Variants in HIP1 observed in about 807,000 individuals in gnomAD.
HIP1 encodes the protein huntingtin-interacting protein 1.
HIP1 carries 65 observed loss-of-function variants against 147.6 expected under a neutral mutation model. The ratio of observed to expected loss-of-function variants is 0.44; its 90% CI spans 0.36 to 0.54. The LOEUF (loss-of-function observed/expected upper bound fraction) is 0.54. Among genes scored for constraint, HIP1 ranks in the 20% least tolerant of loss-of-function variants. The pLI is 0.00. For synonymous variants in HIP1, 479 were observed against 504.0 expected (o/e 0.95, Z 0.67); for missense variants, 1,061 against 1,299.6 (o/e 0.82, Z 2.82).
At chr7:75,591,470 T>G (rs587648733) in intron 4 of HIP1, among the ~76,000 whole-genome samples, 145 of 152,116 alleles carry the variant, frequency 9.5e-4, no homozygotes, top group Admixed American at 2.6e-3. Context: ...TCCCCCCTCA[T>G]CCTAAAGCAC....
intron 1 of HIP1, among the ~76,000 whole-genome samples, chr7:75,711,130 A>G (rs1327270540): frequency 6.6e-6 from 1 of 152,192 alleles, no homozygotes; most frequent in Non-Finnish European, 1.5e-5. Context: ...ATAATGTGTA[A>G]TATAGCACAT....
intron 1 of HIP1, among the ~76,000 whole-genome samples, chr7:75,712,777 CTCAT>C (rs1401186117): frequency 1.3e-5 from 2 of 151,860 alleles, no homozygotes; most frequent in East Asian, 1.9e-4. Context: ...CTCTCATTTA[CTCAT>C]TCATTCACTC....
intron 1 of HIP1, among the ~76,000 whole-genome samples, chr7:75,694,348 G>C (rs569053181): frequency 1.3e-3 from 196 of 152,006 alleles, no homozygotes; most frequent in Non-Finnish European, 2.0e-3. Flanking sequence ...TATTATGCTG[G>C]GCATGCGTGG....
At chr7:75,673,117 G>T (rs1040362647) in intron 1 of HIP1, among the ~76,000 whole-genome samples, 1 of 151,642 alleles carries the variant, frequency 6.6e-6, no homozygotes, top group African/African-American at 2.4e-5. Flanking sequence ...TGTCTCCTGG[G>T]TTCAAGCGAT....
intron 1 of HIP1, chr7:75,638,910 G>A (rs1798538246): frequency 9.1e-6 from 2 of 220,870 alleles, no homozygotes; most frequent in African/African-American, 2.3e-5. Context: ...CCTCCGGCAC[G>A]CCTGGAGTTG....
In HIP1 at chr7:75,738,870, C is replaced by T; in HGVS notation, c.51G>A (p.Lys17=). Residue 17 remains lysine, a synonymous_variant, in exon 1 of 31, where the codon AAG becomes AAA. Coordinates refer to ENST00000336926, the MANE Select transcript of HIP1 (RefSeq NM_005338.7). ...CGCCGACCCCGCGCCGGCTCAGCAC[C>T]TTGGGCAGTGGGTTGGGCACCTGCT... ...SMKQVPNPLP[K]VLSRRGVGAG... 1 of 1,577,618 alleles carries T rather than the reference C, an allele frequency of 6.3e-7. No individual in the cohort carries two copies.
chr7:75,559,777 G>A lies in HIP1; in HGVS notation c.1330C>T (p.Arg444Trp), dbSNP rs200972887. ...RAELDELRRQ[R>W]EDTEKAQRSL... ...CGCTGAGCCTTCTCGGTGTCCTCCC[G>A]CTGCCTCCTGAGCTCGTCCAGTTCT... is the stretch of plus-strand genomic sequence containing the variant. Residue 444 changes from arginine (R) to tryptophan (W), a missense_variant, in exon 14 of 31, where the codon CGG (arginine) becomes TGG (tryptophan). This residue lies in a region of HIP1 where 810 missense variants were observed against 946.8 expected (regional missense o/e 0.86). Coordinates refer to ENST00000336926, the MANE Select transcript of HIP1 (RefSeq NM_005338.7). 9 of 1,419,622 alleles carry A rather than the reference G, an allele frequency of 6.3e-6. No individual in the cohort carries two copies. The highest frequency in any genetic ancestry group is 3.3e-5 in the East Asian group (1 of 30,056). 87.9% of individuals were successfully genotyped at this position (1,419,622 alleles called of 1,614,324 possible).
At chr7:75,561,447 CCT>C (rs142494022) in intron 12 of HIP1, 46 bp from the exon 13 acceptor site, 33,335 of 1,266,708 alleles carry the variant, frequency 0.026, 642 homozygotes, top group Non-Finnish European at 0.031. Context: ...TGCTTCTATC[CCT>C]CTGTTTTTAA....
chr7:75,610,045 G>A (rs1797373491), intron 1 of HIP1, among the ~76,000 whole-genome samples: 1 of 151,536 alleles, frequency 6.6e-6, no homozygotes, highest in African/African-American at 2.4e-5. Flanking sequence ...TGGGATTATA[G>A]GCCCACACCA....
At chr7:75,567,269 TCTGGCTA>T (rs1795444025) in intron 9 of HIP1, among the ~76,000 whole-genome samples, 1 of 150,248 alleles carries the variant, frequency 6.7e-6, no homozygotes, top group Non-Finnish European at 1.5e-5. Flanking sequence ...AGAAGTAAGG[TCTGGCTA>T]GAGATGCATA....
chr7:75,625,931 G>T (rs2117108109), intron 1 of HIP1: 1 of 152,164 alleles, frequency 6.6e-6, no homozygotes, highest in Non-Finnish European at 1.5e-5. Context: ...TTGGAGAGCT[G>T]CTTGCCCTTT....
chr7:75,569,357 A>C (rs1795526056), intron 8 of HIP1, among the ~76,000 whole-genome samples: 1 of 152,050 alleles, frequency 6.6e-6, no homozygotes, highest in South Asian at 2.1e-4. Context: ...TAATCCCAGC[A>C]CTTTGGGAGG....
At chr7:75,589,743 T>G (rs1554500339) in intron 4 of HIP1, among the ~76,000 whole-genome samples, 1 of 150,990 alleles carries the variant, frequency 6.6e-6, no homozygotes, top group Non-Finnish European at 1.5e-5. Context: ...TTTTTTGTTT[T>G]TTTTTGAGAC....
intron 1 of HIP1, among the ~76,000 whole-genome samples, chr7:75,610,094 G>A (rs1417243072): frequency 5.3e-5 from 8 of 151,618 alleles, no homozygotes; most frequent in African/African-American, 1.5e-4. Flanking sequence ...GTAGAGACAG[G>A]GTTTCGCCAT....
intron 1 of HIP1, among the ~76,000 whole-genome samples, chr7:75,732,328 C>T (rs1251696875): frequency 5.3e-5 from 8 of 152,100 alleles, no homozygotes; most frequent in African/African-American, 2.4e-5. Flanking sequence ...TTTGCTCTGA[C>T]GTATGCGCTA....
intron 1 of HIP1, among the ~76,000 whole-genome samples, chr7:75,693,337 C>A (rs188037752): frequency 6.6e-6 from 1 of 152,116 alleles, no homozygotes; most frequent in African/African-American, 2.4e-5. Flanking sequence ...TCCCAAATAT[C>A]CCATTGTTTA....
chr7:75,655,376 C>A (rs1799114039), intron 1 of HIP1, among the ~76,000 whole-genome samples: 1 of 151,534 alleles, frequency 6.6e-6, no homozygotes. Context: ...GTCAGGAGTT[C>A]GAGTCCAGCC....
At chr7:75,734,075 T>G (rs1462725396) in intron 1 of HIP1, among the ~76,000 whole-genome samples, 1 of 151,484 alleles carries the variant, frequency 6.6e-6, no homozygotes, top group East Asian at 1.9e-4. Context: ...TGAGACCCTG[T>G]CTCTACTAAA....
intron 1 of HIP1, among the ~76,000 whole-genome samples, chr7:75,642,513 C>T (rs1386412682): frequency 1.3e-5 from 2 of 152,074 alleles, no homozygotes; most frequent in Non-Finnish European, 2.9e-5. Context: ...CCAGCTTGGG[C>T]CACAGAGTGA....
Sources: allele counts gnomAD v4.1 joint callset (sites outside exome capture counted in the v4.1 genomes callset), GRCh38; gene constraint gnomAD v4.1.1; regional missense constraint gnomAD v4.1.1; transcripts MANE v1.5; gene names NCBI Gene and HGNC (gene_info 2026-07-23, HGNC 2026-07-21).